LAMA2: variants seen among roughly 807,000 people sequenced by gnomAD.
LAMA2 encodes laminin subunit alpha 2, also known as laminin subunit alpha-2.
LAMA2 carries 269 observed loss-of-function variants against 364.8 expected under a neutral mutation model. The ratio of observed to expected loss-of-function variants is 0.74; its 90% CI spans 0.67 to 0.82. LAMA2 has a LOEUF of 0.82. Among genes scored for constraint, LAMA2 ranks in the 40% least tolerant of loss-of-function variants. LAMA2 has a pLI of 0.00. For synonymous variants in LAMA2, 1,379 were observed against 1,370.6 expected, an observed-to-expected ratio of 1.01 and a Z score of -0.14; for missense variants, 3,807 against 3,873.2, an observed-to-expected ratio of 0.98 and a Z score of 0.45.
intron 17 of LAMA2, among the ~76,000 whole-genome samples, chr6:129,274,539 C>A (rs1726102147): frequency 6.6e-6 from 1 of 151,892 alleles, no homozygotes; most frequent in African/African-American, 2.4e-5. Context: ...AGATCACAAG[C>A]ATTTTGGCTC....
intron 12 of LAMA2, among the ~76,000 whole-genome samples, chr6:129,227,348 A>G (rs1308803947): frequency 6.6e-6 from 1 of 152,172 alleles, no homozygotes; most frequent in African/African-American, 2.4e-5. Context: ...GTCATTCTCC[A>G]TCCAGCTTTG....
At chr6:129,162,239 A>G (rs932559036) in intron 8 of LAMA2, among the ~76,000 whole-genome samples, 2 of 152,222 alleles carry the variant, frequency 1.3e-5, no homozygotes, top group Non-Finnish European at 2.9e-5. Flanking sequence ...ATAGTGATAT[A>G]GTCCTATCTT....
At chr6:128,883,482 T>C in intron 1 of LAMA2, 125 bp downstream of exon 1, 3 of 1,481,284 alleles carry the variant, frequency 2.0e-6, no homozygotes, top group Admixed American at 3.9e-5. Context: ...GAGTGCGCTC[T>C]GGGGCAAGAG....
At chr6:129,218,386 T>G (rs905365125) in intron 12 of LAMA2, among the ~76,000 whole-genome samples, 2 of 152,138 alleles carry the variant, frequency 1.3e-5, no homozygotes, top group African/African-American at 4.8e-5. Context: ...AAATCTTGGT[T>G]TAAAAAGCTT....
intron 20 of LAMA2, among the ~76,000 whole-genome samples, chr6:129,293,459 A>C (rs1224815171): frequency 1.3e-5 from 2 of 152,220 alleles, no homozygotes; most frequent in Non-Finnish European, 2.9e-5. Context: ...TGTCCAAGAA[A>C]ACTCAGCCCA....
chr6:129,399,651 A>G (rs1779853830), intron 37 of LAMA2, among the ~76,000 whole-genome samples: 1 of 152,198 alleles, frequency 6.6e-6, no homozygotes, highest in African/African-American at 2.4e-5. Context: ...AGGTAATCAG[A>G]GGAGTGGCTA....
intron 10 of LAMA2, among the ~76,000 whole-genome samples, chr6:129,180,353 T>C (rs1476394713): frequency 6.6e-6 from 1 of 152,190 alleles, no homozygotes; most frequent in Non-Finnish European, 1.5e-5. Flanking sequence ...ATAGAAATAA[T>C]ATAAATCACA....
At chr6:129,011,564 C>T (rs539507157) in intron 1 of LAMA2, among the ~76,000 whole-genome samples, 3 of 152,068 alleles carry the variant, frequency 2.0e-5, no homozygotes, top group African/African-American at 4.8e-5. Flanking sequence ...TACTCTGTGC[C>T]CAGGTGGCTC....
intron 12 of LAMA2, among the ~76,000 whole-genome samples, chr6:129,237,729 A>C (rs367582168): frequency 6.6e-6 from 1 of 152,158 alleles, no homozygotes; most frequent in Admixed American, 6.5e-5. Flanking sequence ...TTATAATTTT[A>C]ACAGATATTG....
intron 34 of LAMA2, among the ~76,000 whole-genome samples, chr6:129,380,547 AG>A (rs1218702844): frequency 6.6e-6 from 1 of 152,182 alleles, no homozygotes; most frequent in African/African-American, 2.4e-5. Context: ...GTCCTGCTGC[AG>A]GAAGTGTGGA....
chr6:129,159,752 C>G (rs1041477682), intron 8 of LAMA2, among the ~76,000 whole-genome samples: 11 of 152,140 alleles, frequency 7.2e-5, no homozygotes, highest in African/African-American at 2.7e-4. Flanking sequence ...TATGGACACC[C>G]TTTATCAGAT....
intron 3 of LAMA2, among the ~76,000 whole-genome samples, chr6:129,076,760 C>T (rs889166133): frequency 6.6e-6 from 1 of 151,824 alleles, no homozygotes; most frequent in African/African-American, 2.4e-5. Flanking sequence ...AAAAGTAATA[C>T]ATTCCCTTGT....
At chr6:129,091,320 A>G (rs1774811508) in intron 3 of LAMA2, among the ~76,000 whole-genome samples, 1 of 152,226 alleles carries the variant, frequency 6.6e-6, no homozygotes, top group Non-Finnish European at 1.5e-5. Flanking sequence ...AAGTATTATC[A>G]TTAGTCATCC....
intron 58 of LAMA2, among the ~76,000 whole-genome samples, chr6:129,500,690 A>G (rs1382599497): frequency 6.6e-6 from 1 of 152,162 alleles, no homozygotes; most frequent in East Asian, 1.9e-4. Context: ...ATACAACGAA[A>G]CAACAACAAA....
At chr6:129,144,196 T>G (rs2114959238) in intron 5 of LAMA2, 116 bp downstream of exon 5, 1 of 713,536 alleles carries the variant, frequency 1.4e-6, no homozygotes, top group South Asian at 1.9e-5. Flanking sequence ...TATCAAATTT[T>G]TATTTTAGAA....
intron 1 of LAMA2, among the ~76,000 whole-genome samples, chr6:128,985,678 AT>A (rs930888945): frequency 2.0e-5 from 3 of 150,574 alleles, no homozygotes; most frequent in African/African-American, 4.9e-5. Context: ...CCATCAACTA[AT>A]TTTTTTTTTC....
chr6:129,335,605 A>G (rs1229675998), intron 29 of LAMA2, among the ~76,000 whole-genome samples: 2 of 152,206 alleles, frequency 1.3e-5, no homozygotes, highest in African/African-American at 4.8e-5. Context: ...ATAACTGATC[A>G]TTGCTGTTGC....
chr6:129,108,349 AT>A (rs1339637207), intron 4 of LAMA2, among the ~76,000 whole-genome samples: 4 of 152,052 alleles, frequency 2.6e-5, no homozygotes, highest in African/African-American at 9.7e-5. Flanking sequence ...TGCTTTAATA[AT>A]TTTTAAAGTG....
chr6:129,330,187 TAGTA>T lies in LAMA2; in HGVS notation c.4311+1777_4311+1780del, dbSNP rs1459702459. 3.3e-5 allele frequency among the ~76,000 whole-genome samples: 5 copies of T among 151,738 alleles called. 1 individual carries two copies. Among genetic ancestry groups the T allele is most frequent in the Admixed American group, 2.0e-4 (3 of 15,234 alleles). On this transcript the variant is annotated intron_variant, in intron 29 of 64. Coordinates refer to ENST00000421865, the MANE Select transcript of LAMA2 (RefSeq NM_000426.4). ...TATATTACAATGTAATAATAATAGA[TAGTA>T]ATAATAATAATAGATAATAAAGTGC...
Sources: allele counts gnomAD v4.1 joint callset (sites outside exome capture counted in the v4.1 genomes callset), GRCh38; gene constraint gnomAD v4.1.1; transcripts MANE v1.5; gene names NCBI Gene and HGNC (gene_info 2026-07-23, HGNC 2026-07-21).